The following ARHGAP21 variants were observed in gnomAD, a reference collection of about 807,000 sequenced individuals.
The protein encoded by ARHGAP21 is Rho GTPase activating protein 21, also known as rho GTPase-activating protein 21.
ARHGAP21 carries 38 observed loss-of-function variants against 164.6 expected under a neutral mutation model. That is an observed-to-expected ratio of 0.23 (90% CI 0.18 to 0.30). The LOEUF (loss-of-function observed/expected upper bound fraction) is 0.30, where lower values mean the gene tolerates loss of function less well. ARHGAP21 is among the 10% of genes least tolerant of loss of function. ARHGAP21 has a pLI of 1.00. For synonymous variants in ARHGAP21, 766 were observed against 857.9 expected (o/e 0.89, Z 1.87); for missense variants, 1,822 against 2,370.7 (o/e 0.77, Z 4.81).
chr10:24,647,405 C>A (rs1472263692), intron 4 of ARHGAP21, among the ~76,000 whole-genome samples: 1 of 152,164 alleles, frequency 6.6e-6, no homozygotes. Context: ...ATACACATAG[C>A]AGCTATGGGA....
chr10:24,589,408 C>T, intron 24 of ARHGAP21, 106 bp from the exon 25 acceptor site: 1 of 982,056 alleles, frequency 1.0e-6, no homozygotes, highest in South Asian at 1.6e-5. Context: ...AATGTGAAAG[C>T]AAAACTCAAA....
intron 9 of ARHGAP21, among the ~76,000 whole-genome samples, chr10:24,608,361 C>A (rs1372892903): frequency 3.2e-4 from 48 of 152,196 alleles, no homozygotes; most frequent in Admixed American, 3.1e-3. Context: ...CATCCCTACA[C>A]AAGTGTATCT....
At chr10:24,597,415 ATATTT>A in intron 16 of ARHGAP21, 27 bp downstream of exon 16, 1 of 1,599,506 alleles carries the variant, frequency 6.3e-7, no homozygotes, top group Admixed American at 1.8e-5. Context: ...TTAAATCATT[ATATTT>A]ATTTGTTAGA....
At chr10:24,627,349 T>C (rs955943591) in intron 7 of ARHGAP21, among the ~76,000 whole-genome samples, 1 of 152,198 alleles carries the variant, frequency 6.6e-6, no homozygotes, top group South Asian at 2.1e-4. Flanking sequence ...AAGATCTGCA[T>C]AAGTACTTCT....
At chr10:24,687,341 G>A (rs1842307807) in intron 2 of ARHGAP21, among the ~76,000 whole-genome samples, 2 of 152,170 alleles carry the variant, frequency 1.3e-5, no homozygotes, top group South Asian at 4.1e-4. Context: ...CTGACAGAAA[G>A]CAGGACCTCA....
At chr10:24,699,732 G>A (rs904140369) in intron 2 of ARHGAP21, among the ~76,000 whole-genome samples, 3 of 152,154 alleles carry the variant, frequency 2.0e-5, no homozygotes, top group Non-Finnish European at 2.9e-5. Context: ...CTGGGCCTGC[G>A]TGCTGCTCTG....
At chr10:24,611,422 G>A (rs913751949) in intron 9 of ARHGAP21, among the ~76,000 whole-genome samples, 3 of 152,194 alleles carry the variant, frequency 2.0e-5, no homozygotes, top group African/African-American at 7.2e-5. Context: ...AAGACTCACA[G>A]GCCAGGCGCG....
Position 24,600,792 on chromosome 10 carries a change from T to C in ARHGAP21, c.2986A>G (p.Ile996Val), listed in dbSNP as rs1389420843. 1.9e-6 allele frequency: 3 copies of C among 1,614,054 alleles called. No homozygotes were observed. The highest frequency in any genetic ancestry group is 2.2e-5 in the South Asian group (2 of 91,092). The change falls in exon 14 of 26, where the codon ATA becomes GTA. Residue 996 changes from isoleucine (I) to valine (V), a missense_variant. Physicochemically the swap from Ile to Val is conservative, Grantham distance 29. This residue lies in a region of ARHGAP21 where 1,090 missense variants were observed against 1,378.9 expected (regional missense o/e 0.79). Transcript: ENST00000396432. ...TTGGTCTCACTGTAAGAGATGTCTA[T>C]CAAGCAAGCATTAACACTGATGGGC... ...EQPISVNACLIDISYSETKRK... is the reference protein window; with the variant it reads ...EQPISVNACLVDISYSETKRK...
chr10:24,599,649 A>AAG (rs2076729240), intron 14 of ARHGAP21, among the ~76,000 whole-genome samples: 2 of 152,206 alleles, frequency 1.3e-5, no homozygotes, highest in Admixed American at 6.5e-5. Flanking sequence ...GAACACAGTG[A>AAG]AGAAAAAACT....
At chr10:24,721,300 T>TA (rs1565218673) in intron 2 of ARHGAP21, among the ~76,000 whole-genome samples, 1 of 152,128 alleles carries the variant, frequency 6.6e-6, no homozygotes, top group Non-Finnish European at 1.5e-5. Context: ...AGGCTGTGCT[T>TA]AAACTATTCA....
intron 11 of ARHGAP21, among the ~76,000 whole-genome samples, chr10:24,606,375 T>TA (rs1324796913): frequency 2.0e-5 from 3 of 151,958 alleles, no homozygotes; most frequent in Non-Finnish European, 4.4e-5. Flanking sequence ...TCAAAAAATA[T>TA]AAAAAATCAG....
At position 24,657,253 on chromosome 10, in the gene ARHGAP21, G is replaced by A. The variant is rs1224615745; in HGVS notation, c.268+9732C>T. ...GCCCCGTCAGGGAGGGAGGTGGGGG[G>A]GTCAGCCCCCGGCCGGCCAGCCGCC... On this transcript the variant is annotated intron_variant, in intron 4 of 25. Transcript: ENST00000396432. 4.4e-5 allele frequency among the ~76,000 whole-genome samples: 2 copies of A among 45,278 alleles called. 1 individual carries two copies. The highest frequency in any genetic ancestry group is 8.1e-5 in the Non-Finnish European group (2 of 24,692). The allele number at this position is 45,278 out of a possible 152,430, so 29.7% of individuals were successfully genotyped here.
intron 2 of ARHGAP21, among the ~76,000 whole-genome samples, chr10:24,682,756 C>T (rs755396942): frequency 4.6e-5 from 7 of 151,604 alleles, no homozygotes; most frequent in Admixed American, 6.6e-5. Flanking sequence ...AATATCTAGA[C>T]GTATCTAGAT....
intron 7 of ARHGAP21, among the ~76,000 whole-genome samples, chr10:24,628,748 G>T (rs1835383267): frequency 9.0e-6 from 1 of 111,676 alleles, no homozygotes; most frequent in South Asian, 3.0e-4. Context: ...TTTCTTGAAT[G>T]AAATATGTGT....
intron 4 of ARHGAP21, among the ~76,000 whole-genome samples, chr10:24,644,180 A>T (rs1186700180): frequency 6.6e-6 from 1 of 152,036 alleles, no homozygotes; most frequent in African/African-American, 2.4e-5. Flanking sequence ...AGTCCTCTTC[A>T]GGACCTTGCC....
Position 24,595,291 on chromosome 10 carries a change from G to A in ARHGAP21, c.3713-101C>T, listed in dbSNP as rs1450331793. Reference sequence around the variant, plus strand: ...CAATTTTAAACCACAACATAGGAAAGAGTTCTAATAGTTTTGAAATGTAAA... The same window carrying A: ...CAATTTTAAACCACAACATAGGAAAAAGTTCTAATAGTTTTGAAATGTAAA... On this transcript the variant is annotated intron_variant, in intron 19 of 25. Transcript: ENST00000396432. 4 of 985,180 alleles carry A rather than the reference G, an allele frequency of 4.1e-6. No individual in the cohort carries two copies. In the African/African-American group the frequency reaches 4.9e-5, roughly 12 times the overall value. The allele number at this position is 985,180 out of a possible 1,614,324, so 61.0% of individuals were successfully genotyped here. A position where few individuals can be genotyped will look rare whatever the true frequency, so the allele number is the denominator to read the frequency against.
At chr10:24,640,072 A>G (rs1241640772) in intron 4 of ARHGAP21, 1 of 152,006 alleles carries the variant, frequency 6.6e-6, no homozygotes, top group Non-Finnish European at 1.5e-5. Flanking sequence ...AGAGAAACAT[A>G]TTTCTTAACA....
At chr10:24,614,172 A>T (rs975063818) in intron 9 of ARHGAP21, among the ~76,000 whole-genome samples, 4 of 152,172 alleles carry the variant, frequency 2.6e-5, no homozygotes, top group Non-Finnish European at 4.4e-5. Context: ...TGGATGACTG[A>T]GTAGGGAGGT....
At chr10:24,586,304 T>C (rs1234369201) in intron 25 of ARHGAP21, among the ~76,000 whole-genome samples, 198 bp from the exon 26 acceptor site, 4 of 152,160 alleles carry the variant, frequency 2.6e-5, no homozygotes, top group Non-Finnish European at 5.9e-5. Flanking sequence ...TGAGTCCAAT[T>C]TCTTGCCTCG....
Sources: gnomAD v4.1 joint callset for allele counts (sites outside exome capture counted in the v4.1 genomes callset) on GRCh38, gnomAD v4.1.1 for gene constraint, gnomAD v4.1.1 regional missense constraint, MANE v1.5 for transcripts, NCBI Gene and HGNC (gene_info 2026-07-23, HGNC 2026-07-21) for gene names.